The following CDH4 variants were observed in gnomAD, a reference collection of about 807,000 sequenced individuals.
CDH4 encodes cadherin-4.
CDH4 carries 33 observed loss-of-function variants against 86.0 expected under a neutral mutation model. The observed-to-expected ratio is 0.38, with a 90% CI of 0.29 to 0.51. CDH4 has a LOEUF of 0.51. Among genes scored for constraint, CDH4 ranks in the 20% least tolerant of loss-of-function variants. CDH4 has a pLI of 0.86. For missense variants in CDH4, 1,114 were observed against 1,307.4 expected, an observed-to-expected ratio of 0.85 and a Z score of 2.28; for synonymous variants, 555 against 549.4, an observed-to-expected ratio of 1.01 and a Z score of -0.14.
At chr20:61,404,535 G>A (rs768100994) in intron 2 of CDH4, among the ~76,000 whole-genome samples, 2 of 152,086 alleles carry the variant, frequency 1.3e-5, no homozygotes, top group Non-Finnish European at 2.9e-5. Flanking sequence ...CGATCTGCAA[G>A]AGGAGGCCTG....
chr20:61,514,382 C>T lies in CDH4; in HGVS notation c.170-229181C>T, dbSNP rs185888048. Among the ~76,000 whole-genome samples, 4 of 131,632 alleles carry T rather than the reference C, an allele frequency of 3.0e-5. No individual in the cohort carries two copies. In the East Asian group the frequency reaches 8.0e-4, roughly 26 times the overall value. 86.4% of individuals were successfully genotyped at this position (131,632 alleles called of 152,430 possible). A position where few individuals can be genotyped will look rare whatever the true frequency, so the allele number is the denominator to read the frequency against. Reference sequence around the variant, plus strand: ...TGGCATTTTCTGTCTGGTGGGGGTCCAGGTTTCTGAAAAACAGTTCAGGGA... The same window carrying T: ...TGGCATTTTCTGTCTGGTGGGGGTCTAGGTTTCTGAAAAACAGTTCAGGGA... On this transcript the variant is annotated intron_variant, in intron 2 of 15. Transcript: ENST00000614565.
chr20:61,905,059 G>A lies in CDH4; in HGVS notation c.1189-5363G>A, dbSNP rs145571466. On this transcript the variant is annotated intron_variant, in intron 8 of 15. Coordinates refer to ENST00000614565, the MANE Select transcript of CDH4 (RefSeq NM_001794.5). Reference sequence around the variant, plus strand: ...GGAAGACAAAATCCTCCTACCTCTCGGGATGGGTGCACAGTTGAATTCTAG... The same window carrying A: ...GGAAGACAAAATCCTCCTACCTCTCAGGATGGGTGCACAGTTGAATTCTAG... 5.4e-4 allele frequency among the ~76,000 whole-genome samples: 82 copies of A among 152,298 alleles called. 1 individual carries two copies. Among genetic ancestry groups the A allele is most frequent in the African/African-American group, 1.7e-3 (70 of 41,570 alleles).
At chr20:61,509,599 A>G (rs2145611151) in intron 2 of CDH4, among the ~76,000 whole-genome samples, 1 of 151,584 alleles carries the variant, frequency 6.6e-6, no homozygotes, top group Admixed American at 6.6e-5. Context: ...GGGGGACAGG[A>G]CCGTCATGCC....
intron 4 of CDH4, among the ~76,000 whole-genome samples, chr20:61,788,327 C>T (rs900924023): frequency 2.6e-5 from 4 of 152,072 alleles, no homozygotes; most frequent in Non-Finnish European, 4.4e-5. Flanking sequence ...AAGAAACAGC[C>T]CTGAGGGGCT....
At chr20:61,565,100 GCTCT>G (rs1568688058) in intron 2 of CDH4, among the ~76,000 whole-genome samples, 6 of 116,862 alleles carry the variant, frequency 5.1e-5, no homozygotes, top group African/African-American at 9.6e-5. Context: ...TCTTGGTGGT[GCTCT>G]TGGTGGTGCT....
chr20:61,502,092 A>AGGGGGGGGGG (rs2085706273), intron 2 of CDH4, among the ~76,000 whole-genome samples: 2 of 148,612 alleles, frequency 1.3e-5, no homozygotes, highest in African/African-American at 2.5e-5. Flanking sequence ...AGTGGGGGAC[A>AGGGGGGGGGG]GGGGTGGGAT....
rs148478980 is a variant in CDH4, at chr20:61,344,920, C to G, written c.169+89983C>G. Among the ~76,000 whole-genome samples the G allele has an allele frequency of 3.2e-3, 485 of 152,296 alleles. 3 individuals are homozygous for G. The highest frequency in any genetic ancestry group is 0.01 in the Middle Eastern group (3 of 294). Reference sequence around the variant, plus strand: ...GCGTCCTTTGAAACAAAGTCAGGTTCTGCGCCGGCTATTGACCCGCAGACT... The same window carrying G: ...GCGTCCTTTGAAACAAAGTCAGGTTGTGCGCCGGCTATTGACCCGCAGACT... On this transcript the variant is annotated intron_variant, in intron 2 of 15. Transcript: ENST00000614565.
At chr20:61,629,205 C>T (rs1361806394) in intron 2 of CDH4, among the ~76,000 whole-genome samples, 4 of 152,180 alleles carry the variant, frequency 2.6e-5, no homozygotes, top group Non-Finnish European at 5.9e-5. Flanking sequence ...GAAATGGCCA[C>T]TGGAAGGCCA....
chr20:61,750,318 C>T lies in CDH4; in HGVS notation c.396+6529C>T, dbSNP rs913289685. Among the ~76,000 whole-genome samples, 21 of 152,002 alleles carry T rather than the reference C, an allele frequency of 1.4e-4. 1 individual carries two copies. Among genetic ancestry groups the T allele is most frequent in the Admixed American group, 6.6e-5 (1 of 15,246 alleles). On this transcript the variant is annotated intron_variant, in intron 3 of 15. Coordinates refer to ENST00000614565, the MANE Select transcript of CDH4 (RefSeq NM_001794.5). ...ACATCATGACTAATCTCATGGACGT[C>T]AGAAAGATCATTTGGGGATATTATA... is the stretch of plus-strand genomic sequence containing the variant.
chr20:61,728,939 G>A (rs546782558), intron 2 of CDH4, among the ~76,000 whole-genome samples: 3 of 152,284 alleles, frequency 2.0e-5, no homozygotes, highest in East Asian at 1.9e-4. Context: ...TCAGGACACC[G>A]CTGGCCCTGG....
intron 2 of CDH4, among the ~76,000 whole-genome samples, chr20:61,371,886 G>A (rs577012213): frequency 6.6e-6 from 1 of 152,234 alleles, no homozygotes; most frequent in South Asian, 2.1e-4. Context: ...TCCGTCCCTC[G>A]CCCCTGGCCA....
intron 2 of CDH4, among the ~76,000 whole-genome samples, chr20:61,614,188 T>C (rs1281221215): frequency 6.6e-6 from 1 of 152,064 alleles, no homozygotes; most frequent in African/African-American, 2.4e-5. Context: ...CCCCTGTATA[T>C]TCTCAGACAG....
intron 2 of CDH4, among the ~76,000 whole-genome samples, chr20:61,329,329 A>C: frequency 6.6e-6 from 1 of 152,310 alleles, no homozygotes; most frequent in Admixed American, 6.5e-5. Context: ...CGTGGAGGGC[A>C]CCCAGGTCCT....
intron 6 of CDH4, among the ~76,000 whole-genome samples, chr20:61,854,496 GTGCCCTTGGTC>G (rs1982893465): frequency 6.7e-6 from 1 of 149,756 alleles, no homozygotes; most frequent in African/African-American, 2.5e-5. Context: ...AGGGTGAATT[GTGCCCTTGGTC>G]CACCCCCAGG....
In CDH4 at chr20:61,681,843, T is replaced by C. The variant is rs2087517999; in HGVS notation, c.170-61720T>C. On this transcript the variant is annotated intron_variant, in intron 2 of 15. Transcript: ENST00000614565. This position sits in a 1 kb window ranked among gnomAD's most constrained non-coding sequence, Gnocchi z 4.5. ...AGACAGAGCATCCCCACATTTGTCT[T>C]TGAGGGTGTGTGGTGTATACGGGAG... 6.6e-6 allele frequency among the ~76,000 whole-genome samples: 1 copy of C among 152,128 alleles called. No homozygotes were observed. Among genetic ancestry groups the C allele is most frequent in the South Asian group, 2.1e-4 (1 of 4,828 alleles).
In CDH4 at chr20:61,539,277, C is replaced by T. The variant is rs543032387; in HGVS notation, c.170-204286C>T. ...AGCTTACTTCTTGCATGGGCCGTGT[C>T]CACAGTGTAGGTGTATTAGTCAGTT... On this transcript the variant is annotated intron_variant, in intron 2 of 15. Coordinates refer to ENST00000614565, the MANE Select transcript of CDH4 (RefSeq NM_001794.5). Among the ~76,000 whole-genome samples the T allele has an allele frequency of 1.5e-4, 23 of 152,326 alleles. 1 individual carries two copies. The South Asian group carries it at 4.3e-3, about 29-fold the overall frequency.
chr20:61,647,974 AG>A (rs2145811359), intron 2 of CDH4, among the ~76,000 whole-genome samples: 1 of 152,256 alleles, frequency 6.6e-6, no homozygotes, highest in African/African-American at 2.4e-5. Flanking sequence ...GGATGGACAC[AG>A]GTTGGCCGGC....
In CDH4 at chr20:61,517,346, C is replaced by A. The variant is rs1368154234; in HGVS notation, c.170-226217C>A. Reference sequence around the variant, plus strand: ...TGTAGCTGGGGCCACAGGTGCACACCACCTTGTGCAGCTAATTTTTTTACT... The same window carrying A: ...TGTAGCTGGGGCCACAGGTGCACACAACCTTGTGCAGCTAATTTTTTTACT... On this transcript the variant is annotated intron_variant, in intron 2 of 15. Coordinates refer to ENST00000614565, the MANE Select transcript of CDH4 (RefSeq NM_001794.5). This position sits in a 1 kb window ranked among gnomAD's most constrained non-coding sequence, Gnocchi z 6.6. Among the ~76,000 whole-genome samples, 4 of 152,212 alleles carry A rather than the reference C, an allele frequency of 2.6e-5. No homozygotes were observed. Among genetic ancestry groups the A allele is most frequent in the Admixed American group, 1.3e-4 (2 of 15,280 alleles).
intron 2 of CDH4, among the ~76,000 whole-genome samples, chr20:61,473,837 TCAGA>T (rs1223903241): frequency 6.6e-6 from 1 of 151,878 alleles, no homozygotes; most frequent in Admixed American, 6.6e-5. Context: ...ACAGAGACAC[TCAGA>T]CACTCACATA....
Sources: gnomAD v4.1 joint callset for allele counts (sites outside exome capture counted in the v4.1 genomes callset) on GRCh38, gnomAD v4.1.1 for gene constraint, Gnocchi (gnomAD v3.1) non-coding constraint, MANE v1.5 for transcripts, NCBI Gene and HGNC (gene_info 2026-07-23, HGNC 2026-07-21) for gene names.